SORCS2: variants seen among roughly 807,000 people sequenced by gnomAD.
The protein encoded by SORCS2 is VPS10 domain-containing receptor SorCS2.
Under a neutral mutation model 141.6 loss-of-function variants are expected in SORCS2, and 100 were observed. The ratio of observed to expected loss-of-function variants is 0.71; its 90% CI spans 0.60 to 0.83. SORCS2 has a LOEUF of 0.83. SORCS2 is among the 40% of genes least tolerant of loss of function. The pLI, the probability that SORCS2 is intolerant of heterozygous loss-of-function variation, is 0.00. For missense variants in SORCS2, 1,646 were observed against 1,560.2 expected, an observed-to-expected ratio of 1.05 and a Z score of -0.93; for synonymous variants, 789 against 676.9, an observed-to-expected ratio of 1.17 and a Z score of -2.57.
chr4:7,515,518 G>A (rs1732917615), intron 2 of SORCS2, among the ~76,000 whole-genome samples: 1 of 152,216 alleles, frequency 6.6e-6, no homozygotes, highest in African/African-American at 2.4e-5. Context: ...TCAGCGGGCA[G>A]CCGGATGGAG....
At chr4:7,332,407 G>A (rs1218551877) in intron 1 of SORCS2, among the ~76,000 whole-genome samples, 4 of 152,304 alleles carry the variant, frequency 2.6e-5, no homozygotes, top group Middle Eastern at 3.4e-3. Flanking sequence ...TAGGAATGTG[G>A]TGGCCCACAG....
At chr4:7,403,686 G>A (rs938304406) in intron 2 of SORCS2, among the ~76,000 whole-genome samples, 1 of 151,962 alleles carries the variant, frequency 6.6e-6, no homozygotes, top group East Asian at 1.9e-4. Context: ...TTCTCCAGGA[G>A]AAGGTTACAC....
At chr4:7,717,913 T>A in intron 17 of SORCS2, 99 bp from the exon 18 acceptor site, 1 of 1,332,338 alleles carries the variant, frequency 7.5e-7, no homozygotes, top group Non-Finnish European at 9.9e-7. Context: ...GGAAGCCAAG[T>A]GCCACCTCTG....
chr4:7,531,217 G>GC (rs1024960466), intron 2 of SORCS2, among the ~76,000 whole-genome samples: 1 of 152,228 alleles, frequency 6.6e-6, no homozygotes, highest in African/African-American at 2.4e-5. Flanking sequence ...GTAACCTAGA[G>GC]CTGCCCGGCT....
chr4:7,502,248 GGAA>G (rs1235606262), intron 2 of SORCS2, among the ~76,000 whole-genome samples: 3 of 152,186 alleles, frequency 2.0e-5, no homozygotes, highest in Non-Finnish European at 4.4e-5. Flanking sequence ...CCGGAGGGAG[GGAA>G]GAAGTCCTTG....
chr4:7,208,138 C>T (rs988788646), intron 1 of SORCS2, among the ~76,000 whole-genome samples: 4 of 152,196 alleles, frequency 2.6e-5, no homozygotes, highest in African/African-American at 7.2e-5. Flanking sequence ...AGAAGACCAC[C>T]GAGGCGGCCC....
chr4:7,338,421 AGGATGGAT>A (rs71173495), intron 1 of SORCS2, among the ~76,000 whole-genome samples: 1 of 148,566 alleles, frequency 6.7e-6, no homozygotes. Context: ...GTTGGATGGA[AGGATGGAT>A]GGATGGATGG....
At position 7,638,449 on chromosome 4, in the gene SORCS2, C is replaced by A. The variant is rs758681416; in HGVS notation, c.770C>A (p.Pro257His). ...PFFVETLIFH[P>H]KEEDKVLAYT... ...TTCGTGGAAACTCTGATTTTCCACC[C>A]TAAGGAGGAGGACAAGGTCCTCGCC... is the stretch of plus-strand genomic sequence containing the variant. The change falls in exon 4 of 27, where the codon CCT (proline) becomes CAT (histidine). Residue 257 changes from proline to histidine, a missense_variant. Physicochemically the swap from Pro to His is moderately conservative, Grantham distance 77. Transcript: ENST00000507866. 1 of 1,608,064 alleles carries A rather than the reference C, an allele frequency of 6.2e-7. No homozygotes were observed. The highest frequency in any genetic ancestry group is 1.1e-5 in the South Asian group (1 of 90,672).
intron 2 of SORCS2, chr4:7,434,788 G>A (rs745367921): frequency 5.0e-6 from 8 of 1,611,262 alleles, no homozygotes; most frequent in Middle Eastern, 1.6e-4. Flanking sequence ...ACACCACACC[G>A]TGGAGCCCTT....
chr4:7,203,281 G>A (rs548750601), intron 1 of SORCS2, among the ~76,000 whole-genome samples: 24 of 152,238 alleles, frequency 1.6e-4, no homozygotes, highest in South Asian at 1.0e-3. Context: ...AAAATTAGCC[G>A]GGCGTGATGG....
chr4:7,727,060 G>T (rs1727272897), intron 21 of SORCS2, among the ~76,000 whole-genome samples, 157 bp downstream of exon 21: 1 of 152,216 alleles, frequency 6.6e-6, no homozygotes, highest in East Asian at 1.9e-4. Flanking sequence ...CCCTGCCCTG[G>T]CTGTGTGGCC....
chr4:7,400,125 T>A (rs919590360), intron 2 of SORCS2, among the ~76,000 whole-genome samples: 15 of 151,994 alleles, frequency 9.9e-5, no homozygotes, highest in Admixed American at 4.6e-4. Context: ...ATACAAGCCA[T>A]ACCCCCTGCA....
chr4:7,580,871 G>A (rs1278811591), intron 3 of SORCS2, among the ~76,000 whole-genome samples: 3 of 152,136 alleles, frequency 2.0e-5, no homozygotes, highest in Non-Finnish European at 4.4e-5. Context: ...AAAGTCTGAC[G>A]AAAGTTTACT....
At chr4:7,534,589 G>A (rs1711955093) in intron 3 of SORCS2, among the ~76,000 whole-genome samples, 1 of 152,228 alleles carries the variant, frequency 6.6e-6, no homozygotes. Context: ...AGTGGGATCA[G>A]CTCAGTGTCA....
chr4:7,728,628 G>C (rs1727388693), intron 22 of SORCS2, among the ~76,000 whole-genome samples, 166 bp downstream of exon 22: 1 of 152,210 alleles, frequency 6.6e-6, no homozygotes, highest in Non-Finnish European at 1.5e-5. Flanking sequence ...CTATGGATGG[G>C]GGGCAGGCAC....
intron 1 of SORCS2, among the ~76,000 whole-genome samples, chr4:7,298,755 C>T (rs1377524054): frequency 6.6e-6 from 1 of 152,204 alleles, no homozygotes; most frequent in Non-Finnish European, 1.5e-5. Flanking sequence ...CCTGAGCAAA[C>T]ATTTGTGAGC....
At position 7,725,136 on chromosome 4, in the gene SORCS2, C is replaced by T; in HGVS notation, c.2612-18C>T. ...TGCCCTGATATCATCTAACCCTGGC[C>T]TTTTTGGGTCCCCACAGCCCCCCTG... On this transcript the variant is annotated intron_variant, in intron 19 of 26. Coordinates refer to ENST00000507866, the MANE Select transcript of SORCS2 (RefSeq NM_020777.3). The T allele has an allele frequency of 1.9e-6, 3 of 1,610,654 alleles. No individual in the cohort carries two copies. The highest frequency in any genetic ancestry group is 2.5e-6 in the Non-Finnish European group (3 of 1,178,274).
chr4:7,381,380 A>G (rs999223483), intron 1 of SORCS2, among the ~76,000 whole-genome samples: 9 of 152,180 alleles, frequency 5.9e-5, no homozygotes, highest in African/African-American at 2.2e-4. Context: ...CCAGAAGAAG[A>G]GCACACTGTG....
chr4:7,606,889 T>C (rs1718097319), intron 3 of SORCS2, among the ~76,000 whole-genome samples: 3 of 152,160 alleles, frequency 2.0e-5, no homozygotes, highest in African/African-American at 7.2e-5. Flanking sequence ...AACCTAATAG[T>C]GTCACAGGGC....
Sources: gnomAD v4.1 joint callset for allele counts (sites outside exome capture counted in the v4.1 genomes callset) on GRCh38, gnomAD v4.1.1 for gene constraint, MANE v1.5 for transcripts, NCBI Gene and HGNC (gene_info 2026-07-23, HGNC 2026-07-21) for gene names.